Variants in LATS2 observed in about 807,000 individuals in gnomAD.
LATS2 encodes the protein large tumor suppressor kinase 2, also known as serine/threonine-protein kinase LATS2.
A neutral mutation model predicts 76.0 loss-of-function variants in LATS2; 24 were observed. That is an observed-to-expected ratio of 0.32 (90% CI 0.23 to 0.44). The LOEUF (loss-of-function observed/expected upper bound fraction) is 0.44. Among genes scored for constraint, LATS2 ranks in the 20% least tolerant of loss-of-function variants. The pLI is 1.00. For synonymous variants in LATS2, 692 were observed against 635.4 expected (o/e 1.09, Z -1.34); for missense variants, 1,286 against 1,481.2 (o/e 0.87, Z 2.16).
At chr13:21,059,923 C>T (rs1275400139) in intron 1 of LATS2, among the ~76,000 whole-genome samples, 1 of 152,304 alleles carries the variant, frequency 6.6e-6, no homozygotes, top group Non-Finnish European at 1.5e-5. Flanking sequence ...CGAGATCGCG[C>T]CACTCCCCTC....
chr13:21,045,970 C>T lies in LATS2; in HGVS notation c.57G>A (p.Leu19=). Residue 19 remains leucine, a synonymous_variant, in exon 2 of 8, where the codon CTG becomes CTA. Coordinates refer to ENST00000382592, the MANE Select transcript of LATS2 (RefSeq NM_014572.3). ...GTTTTAACCCCTCACGAATCTCTTG[C>T]AGTCGCTGCCGGCTATTTCCAGAAT... ...TTYSGNSRQR[L]QEIREGLKQP... is the part of the protein sequence containing the mutation. 1 of 1,614,132 alleles carries T rather than the reference C, an allele frequency of 6.2e-7. No homozygotes were observed. The highest frequency in any genetic ancestry group is 8.5e-7 in the Non-Finnish European group (1 of 1,180,010).
chr13:21,019,835 G>T (rs1338596203), intron 2 of LATS2, among the ~76,000 whole-genome samples: 1 of 151,472 alleles, frequency 6.6e-6, no homozygotes, highest in African/African-American at 2.4e-5. Context: ...TTAGCTGGGG[G>T]TGGTGGTGCA....
chr13:21,059,897 G>C (rs934742778), intron 1 of LATS2, among the ~76,000 whole-genome samples: 2 of 147,270 alleles, frequency 1.4e-5, no homozygotes. Flanking sequence ...CCTGGGAGAC[G>C]GAGGTTGCAG....
At position 21,006,723 on chromosome 13, in the gene LATS2, C is replaced by T. The variant is rs147978028; in HGVS notation, c.343-15319G>A. On this transcript the variant is annotated intron_variant, in intron 2 of 7. Coordinates refer to ENST00000382592, the MANE Select transcript of LATS2 (RefSeq NM_014572.3). The stretch of plus-strand genomic sequence containing the variant: ...CACTTACTCGACAATGGCACATAGG[C>T]GTGCCTCACTGCACACACCTGTCTC... 6.6e-3 allele frequency among the ~76,000 whole-genome samples: 1,002 copies of T among 152,294 alleles called. 16 individuals are homozygous for T. The highest frequency in any genetic ancestry group is 0.023 in the African/African-American group (938 of 41,546).
At chr13:20,987,839 G>C in intron 4 of LATS2, 42 bp downstream of exon 4, 1 of 1,588,344 alleles carries the variant, frequency 6.3e-7, no homozygotes, top group Non-Finnish European at 8.6e-7. Context: ...CCAGTAGAGG[G>C]ATGAGCCGGG....
rs773548921 is a variant in LATS2 at position 20,991,231 on chromosome 13, A to G, written c.475+41T>C. On this transcript the variant is annotated intron_variant, in intron 3 of 7. Transcript: ENST00000382592. This position sits in a 1 kb window ranked among gnomAD's most constrained non-coding sequence, Gnocchi z 4.9. ...CACGTGGTTTTGTTGTCCTTAAGCC[A>G]CAAACCATCTTTGCCCACTATGCTG... 1 of 1,612,876 alleles carries G rather than the reference A, an allele frequency of 6.2e-7. No individual in the cohort carries two copies. The highest frequency in any genetic ancestry group is 8.5e-7 in the Non-Finnish European group (1 of 1,179,294).
chr13:20,988,858 C>G lies in LATS2; in HGVS notation c.922G>C (p.Ala308Pro). The stretch of plus-strand genomic sequence containing the variant: ...GGGTGCGGCACGTAGAGCCCGGCGG[C>G]AGGGGGTGGGAAAGCGAGGCCGGCG... Reference protein sequence around the residue: ...PGAGLAFPPPAAGLYVPHPHH... With the variant: ...PGAGLAFPPPPAGLYVPHPHH... Residue 308 changes from alanine (A) to proline (P), a missense_variant, in exon 4 of 8, where the codon GCC becomes CCC. By Grantham distance (27) the Ala-to-Pro change is conservative (BLOSUM62 -1). This residue lies in a region of LATS2 where 710 missense variants were observed against 660.9 expected (regional missense o/e 1.07). Transcript: ENST00000382592. 1 of 1,586,552 alleles carries G rather than the reference C, an allele frequency of 6.3e-7. No homozygotes were observed. Among genetic ancestry groups the G allele is most frequent in the Non-Finnish European group, 8.5e-7 (1 of 1,172,580 alleles).
chr13:21,016,992 G>GA (rs1871826086), intron 2 of LATS2, among the ~76,000 whole-genome samples: 1 of 152,074 alleles, frequency 6.6e-6, no homozygotes, highest in African/African-American at 2.4e-5. Context: ...TCACTTATGA[G>GA]AAAAAAACAT....
At chr13:20,977,211 C>CA (rs1183916135) in intron 7 of LATS2, among the ~76,000 whole-genome samples, 3 of 152,016 alleles carry the variant, frequency 2.0e-5, no homozygotes, top group East Asian at 3.9e-4. Flanking sequence ...GCCTGACCAA[C>CA]ATGATGAAGC....
At chr13:21,039,496 C>A (rs1408895630) in intron 2 of LATS2, among the ~76,000 whole-genome samples, 1 of 152,146 alleles carries the variant, frequency 6.6e-6, no homozygotes, top group Admixed American at 6.6e-5. Context: ...TAGAATTAAG[C>A]CAAATAAATA....
intron 2 of LATS2, among the ~76,000 whole-genome samples, chr13:21,040,440 AG>A (rs1484721046): frequency 2.0e-5 from 3 of 152,184 alleles, no homozygotes; most frequent in African/African-American, 7.2e-5. Context: ...AAGTTTGAAT[AG>A]GAACAGCTCG....
intron 1 of LATS2, 82 bp downstream of exon 1, chr13:21,061,264 G>C (rs1304368808): frequency 6.6e-6 from 1 of 152,214 alleles, no homozygotes; most frequent in Admixed American, 6.5e-5. Flanking sequence ...TAGGTGCGCG[G>C]AGCCGCAGGG....
chr13:20,998,161 G>A (rs1870840526), intron 2 of LATS2, among the ~76,000 whole-genome samples: 1 of 152,054 alleles, frequency 6.6e-6, no homozygotes, highest in Admixed American at 6.6e-5. Flanking sequence ...AGGAGTTCAA[G>A]ACCAGCCTGG....
At chr13:21,005,226 G>A (rs1464606941) in intron 2 of LATS2, 1 of 152,296 alleles carries the variant, frequency 6.6e-6, no homozygotes, top group Non-Finnish European at 1.5e-5. Context: ...TGGGGCTGGG[G>A]TAGAACTCAA....
chr13:20,988,621 C>A lies in LATS2; in HGVS notation c.1159G>T (p.Glu387Ter). The A allele has an allele frequency of 6.3e-7, 1 of 1,588,710 alleles. No individual in the cohort carries two copies. Among genetic ancestry groups the A allele is most frequent in the Non-Finnish European group, 8.5e-7 (1 of 1,175,734 alleles). The change falls in exon 4 of 8, where the codon GAG becomes TAG. Residue 387 changes from glutamate (E) to a stop codon, truncating the protein, a stop_gained. Coordinates refer to ENST00000382592, the MANE Select transcript of LATS2 (RefSeq NM_014572.3). LOFTEE classifies it high-confidence loss of function. ...GCCACGTGCGCGCGCGGCGGCGCCT[C>A]CAGGCCCGGCTTCTGCAGGGAGTCC... The part of the protein sequence containing the change: ...RRDSLQKPGL[E>*]APPRAHVAFR...
intron 2 of LATS2, among the ~76,000 whole-genome samples, chr13:20,996,959 A>G (rs1463123991): frequency 6.6e-6 from 1 of 152,244 alleles, no homozygotes; most frequent in Non-Finnish European, 1.5e-5. Context: ...CACAAAGGAC[A>G]GACACCCCGA....
At chr13:21,040,689 GC>G (rs1177909414) in intron 2 of LATS2, among the ~76,000 whole-genome samples, 1 of 152,128 alleles carries the variant, frequency 6.6e-6, no homozygotes, top group African/African-American at 2.4e-5. Context: ...GGTCTGGGAG[GC>G]CCCAGGAGCT....
At chr13:20,986,853 C>T (rs188181339) in intron 4 of LATS2, among the ~76,000 whole-genome samples, 1 of 151,270 alleles carries the variant, frequency 6.6e-6, no homozygotes, top group East Asian at 2.0e-4. Context: ...ATGCATGTAA[C>T]AAAATATCAC....
chr13:20,990,506 C>T (rs1467678817), intron 3 of LATS2, among the ~76,000 whole-genome samples: 1 of 131,644 alleles, frequency 7.6e-6, no homozygotes, highest in Non-Finnish European at 1.6e-5. Context: ...ACGAGGTCTC[C>T]CTCTGTTGCC....
Sources: gnomAD v4.1 joint callset for allele counts (sites outside exome capture counted in the v4.1 genomes callset) on GRCh38, gnomAD v4.1.1 for gene constraint, gnomAD v4.1.1 regional missense constraint, Gnocchi (gnomAD v3.1) non-coding constraint, MANE v1.5 for transcripts, NCBI Gene and HGNC (gene_info 2026-07-23, HGNC 2026-07-21) for gene names.